Variants in PKP4 observed in about 807,000 individuals in gnomAD.
PKP4 encodes plakophilin 4, also known as plakophilin-4.
A neutral mutation model predicts 145.1 loss-of-function variants in PKP4; 90 were observed. That is an observed-to-expected ratio of 0.62 (90% CI 0.52 to 0.74). The LOEUF is 0.74. Among genes scored for constraint, PKP4 ranks in the 30% least tolerant of loss-of-function variants. The pLI, the probability that PKP4 is intolerant of heterozygous loss-of-function variation, is 0.00. For missense variants in PKP4, 1,340 were observed against 1,482.7 expected, an observed-to-expected ratio of 0.90 and a Z score of 1.58; for synonymous variants, 563 against 577.2, an observed-to-expected ratio of 0.98 and a Z score of 0.35.
At chr2:158,544,882 G>A (rs573986530) in intron 2 of PKP4, among the ~76,000 whole-genome samples, 1 of 152,242 alleles carries the variant, frequency 6.6e-6, no homozygotes, top group African/African-American at 2.4e-5. Flanking sequence ...GATATTTAAG[G>A]AAGCTAGAGC....
chr2:158,637,564 A>G (rs556741083), intron 9 of PKP4, among the ~76,000 whole-genome samples: 33 of 152,288 alleles, frequency 2.2e-4, no homozygotes, highest in African/African-American at 7.9e-4. Flanking sequence ...AATCCCTCAC[A>G]TACTACTTGG....
chr2:158,551,702 T>C (rs953531709), intron 2 of PKP4, among the ~76,000 whole-genome samples: 2 of 152,250 alleles, frequency 1.3e-5, no homozygotes, highest in Non-Finnish European at 2.9e-5. Flanking sequence ...GTACTTATTC[T>C]ACTTAGCTGT....
chr2:158,650,137 C>T (rs2055219294), intron 11 of PKP4, among the ~76,000 whole-genome samples: 1 of 152,228 alleles, frequency 6.6e-6, no homozygotes, highest in South Asian at 2.1e-4. Context: ...GCCCCCACTG[C>T]CGTTTCTGCC....
At chr2:158,491,152 G>A (rs1694877467) in intron 1 of PKP4, among the ~76,000 whole-genome samples, 1 of 152,108 alleles carries the variant, frequency 6.6e-6, no homozygotes, top group Non-Finnish European at 1.5e-5. Context: ...TATCCATCCA[G>A]TTTTATCTCT....
At chr2:158,562,079 G>C (rs2046579513) in intron 2 of PKP4, among the ~76,000 whole-genome samples, 1 of 152,042 alleles carries the variant, frequency 6.6e-6, no homozygotes, top group Non-Finnish European at 1.5e-5. Flanking sequence ...ATTGAATTTT[G>C]TGAAAGTTAG....
At chr2:158,607,815 G>A (rs1395005695) in intron 4 of PKP4, among the ~76,000 whole-genome samples, 1 of 152,132 alleles carries the variant, frequency 6.6e-6, no homozygotes. Flanking sequence ...AGTCTAGAGA[G>A]AATGAGTTTA....
chr2:158,488,560 G>C (rs1694504036), intron 1 of PKP4, among the ~76,000 whole-genome samples: 1 of 152,104 alleles, frequency 6.6e-6, no homozygotes, highest in Admixed American at 6.6e-5. Flanking sequence ...GACACTCACT[G>C]TCTCACTTAC....
At chr2:158,540,127 G>C (rs1043002592) in intron 2 of PKP4, among the ~76,000 whole-genome samples, 13 of 152,182 alleles carry the variant, frequency 8.5e-5, no homozygotes, top group African/African-American at 2.7e-4. Context: ...TGAATGATCA[G>C]ATGGAACTGC....
chr2:158,529,789 A>G (rs1424599674), intron 1 of PKP4, among the ~76,000 whole-genome samples: 1 of 152,136 alleles, frequency 6.6e-6, no homozygotes, highest in Non-Finnish European at 1.5e-5. Flanking sequence ...CGTTGTTTTT[A>G]GTCTCATTAG....
chr2:158,480,994 CT>C (rs1228639975), intron 1 of PKP4, among the ~76,000 whole-genome samples: 1 of 152,150 alleles, frequency 6.6e-6, no homozygotes, highest in Non-Finnish European at 1.5e-5. Context: ...TTGTGTCTCA[CT>C]TTTTTTACTT....
rs193117637 is a variant in PKP4 at position 158,582,501 on chromosome 2, A to C, written c.245+5118A>C. Among the ~76,000 whole-genome samples, 8 of 152,360 alleles carry C rather than the reference A, an allele frequency of 5.3e-5. No individual in the cohort carries two copies. In the East Asian group the frequency reaches 1.5e-3, roughly 29 times the overall value. ...CACAAAATGTGTGTTGTAACCTTCC[A>C]TGCCACATTCACTCTGAGTGACCTA... On this transcript the variant is annotated intron_variant, in intron 3 of 21. Transcript: ENST00000389759.
intron 11 of PKP4, among the ~76,000 whole-genome samples, chr2:158,655,791 C>T (rs1217346859): frequency 6.6e-6 from 1 of 152,224 alleles, no homozygotes; most frequent in Non-Finnish European, 1.5e-5. Flanking sequence ...CCACTGATGA[C>T]TTCTGGGCTG....
intron 7 of PKP4, among the ~76,000 whole-genome samples, chr2:158,625,742 A>T (rs2052715472): frequency 6.6e-6 from 1 of 152,138 alleles, no homozygotes; most frequent in Non-Finnish European, 1.5e-5. Flanking sequence ...GCAGTTGACT[A>T]ATTTTTTTTA....
intron 1 of PKP4, among the ~76,000 whole-genome samples, chr2:158,505,542 C>G (rs577038933): frequency 6.6e-6 from 1 of 152,102 alleles, no homozygotes; most frequent in Non-Finnish European, 1.5e-5. Flanking sequence ...TGAACAAAGT[C>G]TCTTCTGTAC....
chr2:158,623,407 T>A (rs925311935), intron 6 of PKP4, among the ~76,000 whole-genome samples: 4 of 152,098 alleles, frequency 2.6e-5, no homozygotes, highest in Non-Finnish European at 5.9e-5. Context: ...GGTGTCAAGC[T>A]CCTGGCCTCA....
chr2:158,458,880 G>A (rs1034373835), intron 1 of PKP4, among the ~76,000 whole-genome samples: 2 of 151,980 alleles, frequency 1.3e-5, no homozygotes, highest in African/African-American at 4.8e-5. Context: ...TATATTTCAA[G>A]ATGTAATTTA....
At chr2:158,480,036 G>GC (rs1159667226) in intron 1 of PKP4, among the ~76,000 whole-genome samples, 1 of 152,098 alleles carries the variant, frequency 6.6e-6, no homozygotes, top group Non-Finnish European at 1.5e-5. Flanking sequence ...ATTCTGAACT[G>GC]CTACTGCTTT....
intron 19 of PKP4, among the ~76,000 whole-genome samples, chr2:158,674,722 C>CCAAT (rs2057859187): frequency 6.6e-6 from 1 of 152,112 alleles, no homozygotes; most frequent in South Asian, 2.1e-4. Context: ...TACTGCCAAG[C>CCAAT]CAATCAGTCC....
chr2:158,481,927 A>T (rs1248833061), intron 1 of PKP4, among the ~76,000 whole-genome samples: 3 of 152,358 alleles, frequency 2.0e-5, no homozygotes, highest in East Asian at 1.9e-4. Context: ...AAATTATTTT[A>T]TAACTTTAGT....
Sources: allele counts gnomAD v4.1 joint callset (sites outside exome capture counted in the v4.1 genomes callset), GRCh38; gene constraint gnomAD v4.1.1; transcripts MANE v1.5; gene names NCBI Gene and HGNC (gene_info 2026-07-23, HGNC 2026-07-21).